Variants in ADD3 observed in about 807,000 individuals in gnomAD.
The protein encoded by ADD3 is gamma-adducin.
A neutral mutation model predicts 80.2 loss-of-function variants in ADD3; 25 were observed. That is an observed-to-expected ratio of 0.31 (90% CI 0.23 to 0.44). ADD3 has a LOEUF of 0.44. Ranked by LOEUF, ADD3 falls within the 20% of genes least tolerant of loss-of-function variation. The pLI is 1.00. For missense variants in ADD3, 829 were observed against 847.5 expected, an observed-to-expected ratio of 0.98 and a Z score of 0.27; for synonymous variants, 284 against 289.6, an observed-to-expected ratio of 0.98 and a Z score of 0.20.
intron 1 of ADD3, among the ~76,000 whole-genome samples, chr10:110,072,463 C>G (rs1045391463): frequency 7.9e-5 from 12 of 152,078 alleles, no homozygotes; most frequent in African/African-American, 2.9e-4. Flanking sequence ...AGAGGTATAC[C>G]CAGGGAACAG....
intron 10 of ADD3, 95 bp from the exon 11 acceptor site, chr10:110,125,731 G>A: frequency 2.4e-6 from 2 of 849,860 alleles, no homozygotes; most frequent in South Asian, 5.2e-5. Flanking sequence ...TTAAACATTG[G>A]CAATGCCCCT....
chr10:110,106,979 C>T (rs1301463578), intron 2 of ADD3, among the ~76,000 whole-genome samples: 4 of 152,016 alleles, frequency 2.6e-5, no homozygotes, highest in Non-Finnish European at 4.4e-5. Context: ...TAGCTAATAA[C>T]CTATGAAATG....
rs556055990 is a variant in ADD3 at position 110,119,191 on chromosome 10, G to C, written c.718-20G>C. ...TTTAGTAACCAAATGTGTTATCTTG[G>C]TATGGGCCAAACCAAATAGGTATCC... is the stretch of plus-strand genomic sequence containing the variant. On this transcript the variant is annotated intron_variant, in intron 6 of 14. Transcript: ENST00000356080. 78 of 1,613,148 alleles carry C rather than the reference G, an allele frequency of 4.8e-5. No homozygotes were observed. In the South Asian group the frequency reaches 8.1e-4, roughly 17 times the overall value.
intron 1 of ADD3, among the ~76,000 whole-genome samples, chr10:110,073,138 C>CTTTTTTTTTT (rs1189793476): frequency 1.1e-5 from 1 of 94,254 alleles, no homozygotes; most frequent in African/African-American, 4.5e-5. Context: ...TTTTAGTTTT[C>CTTTTTTTTTT]TTTTTTTTTT....
intron 1 of ADD3, among the ~76,000 whole-genome samples, chr10:110,072,059 T>A (rs1844784615): frequency 6.6e-6 from 1 of 152,164 alleles, no homozygotes; most frequent in South Asian, 2.1e-4. Context: ...CCATGTATAA[T>A]TTTATTTATT....
In ADD3 at chr10:110,117,389, CCTAT is replaced by C. The variant is rs1247143969; in HGVS notation, c.537_540del (p.Ser180PhefsTer10). ...ACCACATTATAATAATTCCCAGAGG[CCTAT>C]CTTTTTCTGAAGCTACAGCCTCCAA... On this transcript the variant is annotated frameshift_variant, in exon 5 of 15. Coordinates refer to ENST00000356080, the MANE Select transcript of ADD3 (RefSeq NM_016824.5). LOFTEE classifies it high-confidence loss of function. The C allele has an allele frequency of 6.2e-7, 1 of 1,607,770 alleles. No homozygotes were observed. The highest frequency in any genetic ancestry group is 8.5e-7 in the Non-Finnish European group (1 of 1,174,640).
chr10:110,100,636 A>G lies in ADD3; in HGVS notation c.-18A>G. ...GTTTATTAATGCAGATAACAAGAGT[A>G]ATCCACAGACTTAAAACATGAGCTC... On this transcript the variant is annotated 5_prime_UTR_variant, in exon 2 of 15. Coordinates refer to ENST00000356080, the MANE Select transcript of ADD3 (RefSeq NM_016824.5). 6.4e-7 allele frequency: 1 copy of G among 1,571,848 alleles called. No homozygotes were observed. The highest frequency in any genetic ancestry group is 2.3e-5 in the East Asian group (1 of 43,544).
At chr10:109,998,257 A>C (rs1253951477) in intron 1 of ADD3, among the ~76,000 whole-genome samples, 1 of 152,188 alleles carries the variant, frequency 6.6e-6, no homozygotes. Context: ...TAATGGTACT[A>C]CCATCCATCA....
chr10:110,066,405 T>A (rs1016124963), intron 1 of ADD3, among the ~76,000 whole-genome samples: 3 of 151,908 alleles, frequency 2.0e-5, no homozygotes, highest in Non-Finnish European at 4.4e-5. Flanking sequence ...CCTGGCTAGT[T>A]TTTGTATTTT....
intron 1 of ADD3, among the ~76,000 whole-genome samples, chr10:110,070,269 T>C (rs1239594691): frequency 6.6e-6 from 1 of 152,156 alleles, no homozygotes; most frequent in Non-Finnish European, 1.5e-5. Flanking sequence ...ACTAAATTGC[T>C]AGTATTTTAG....
chr10:110,062,271 G>C (rs1859017552), intron 1 of ADD3, among the ~76,000 whole-genome samples: 1 of 140,556 alleles, frequency 7.1e-6, no homozygotes, highest in South Asian at 2.3e-4. Flanking sequence ...GCACATGCTT[G>C]TAATCCCAGC....
chr10:110,129,471 T>A (rs563294548), intron 12 of ADD3, among the ~76,000 whole-genome samples: 13,598 of 152,108 alleles, frequency 0.089, 1,990 homozygotes, highest in African/African-American at 0.31. Context: ...CTCAAGCCTC[T>A]GATCTTCTGC....
intron 1 of ADD3, among the ~76,000 whole-genome samples, chr10:110,080,235 T>G (rs1375961312): frequency 1.3e-5 from 2 of 152,182 alleles, no homozygotes; most frequent in Non-Finnish European, 2.9e-5. Context: ...GGTGTGGTAT[T>G]GGGGTGGGTC....
At chr10:110,108,253 C>G (rs1849610097) in intron 2 of ADD3, among the ~76,000 whole-genome samples, 2 of 152,080 alleles carry the variant, frequency 1.3e-5, no homozygotes, top group African/African-American at 4.8e-5. Flanking sequence ...TTTGCTTTAT[C>G]TGCCATTGCA....
At chr10:110,131,054 A>G (rs1397805912) in intron 13 of ADD3, among the ~76,000 whole-genome samples, 1 of 152,166 alleles carries the variant, frequency 6.6e-6, no homozygotes, top group Non-Finnish European at 1.5e-5. Context: ...ATTCATAAGT[A>G]TGTAGTTTTG....
At position 110,064,233 on chromosome 10, in the gene ADD3, C is replaced by G. The variant is rs527565916; in HGVS notation, c.-29-36392C>G. Among the ~76,000 whole-genome samples the G allele has an allele frequency of 3.3e-5, 5 of 152,256 alleles. No individual in the cohort carries two copies. The South Asian group carries it at 1.0e-3, about 32-fold the overall frequency. On this transcript the variant is annotated intron_variant, in intron 1 of 14. Coordinates refer to ENST00000356080, the MANE Select transcript of ADD3 (RefSeq NM_016824.5). ...GTTGTATGGTTTTTGTTGTTCATAT[C>G]CATGCAGCTCTTTTGAGTGTATTTC...
At chr10:110,100,349 C>CGAA (rs1848671825) in intron 1 of ADD3, among the ~76,000 whole-genome samples, 1 of 74,980 alleles carries the variant, frequency 1.3e-5, no homozygotes, top group Non-Finnish European at 3.0e-5. Flanking sequence ...GACTCCATCT[C>CGAA]AAAAAAAAAA....
At chr10:110,128,652 C>CAG (rs1304126527) in intron 12 of ADD3, among the ~76,000 whole-genome samples, 1 of 152,088 alleles carries the variant, frequency 6.6e-6, no homozygotes, top group Non-Finnish European at 1.5e-5. Context: ...CTCCTGACCT[C>CAG]GTGATCTGCC....
At chr10:110,098,755 G>A (rs183791690) in intron 1 of ADD3, among the ~76,000 whole-genome samples, 14 of 151,750 alleles carry the variant, frequency 9.2e-5, no homozygotes, top group African/African-American at 1.5e-4. Context: ...TCAGCCTCCC[G>A]AGTAGCTGTG....
Sources: allele counts gnomAD v4.1 joint callset (sites outside exome capture counted in the v4.1 genomes callset), GRCh38; gene constraint gnomAD v4.1.1; transcripts MANE v1.5; gene names NCBI Gene and HGNC (gene_info 2026-07-23, HGNC 2026-07-21).